Variants in EXOC6 observed in about 807,000 individuals in gnomAD.
EXOC6 encodes SEC15-like 1.
Under a neutral mutation model 112.5 loss-of-function variants are expected in EXOC6, and 60 were observed. That is an observed-to-expected ratio of 0.53 (90% confidence interval 0.43 to 0.66). The LOEUF (loss-of-function observed/expected upper bound fraction) is 0.66, where lower values mean the gene tolerates loss of function less well. Ranked by LOEUF, EXOC6 falls within the 30% of genes least tolerant of loss-of-function variation. The pLI is 0.00. For synonymous variants in EXOC6, 295 were observed against 308.0 expected (o/e 0.96, Z 0.44); for missense variants, 855 against 957.1 (o/e 0.89, Z 1.41).
intron 8 of EXOC6, 46 bp downstream of exon 8, chr10:92,920,096 A>G: frequency 8.1e-7 from 1 of 1,227,798 alleles, no homozygotes; most frequent in Non-Finnish European, 1.1e-6. Flanking sequence ...ATATTATTTA[A>G]AAGGCATGTA....
intron 20 of EXOC6, among the ~76,000 whole-genome samples, chr10:93,017,597 A>T (rs969516061): frequency 2.0e-5 from 3 of 152,046 alleles, no homozygotes; most frequent in Non-Finnish European, 4.4e-5. Flanking sequence ...TCAAACAAAC[A>T]AACACTACAT....
At chr10:92,976,757 G>A (rs1007019611) in intron 18 of EXOC6, among the ~76,000 whole-genome samples, 5 of 151,676 alleles carry the variant, frequency 3.3e-5, no homozygotes, top group African/African-American at 1.2e-4. Context: ...AGCCAAGAGA[G>A]TAAAAGTAAA....
At chr10:92,862,931 T>TA (rs1847976959) in intron 1 of EXOC6, among the ~76,000 whole-genome samples, 2 of 152,294 alleles carry the variant, frequency 1.3e-5, no homozygotes, top group African/African-American at 4.8e-5. Flanking sequence ...ATTTAACTTT[T>TA]AGAGTCTATT....
intron 1 of EXOC6, among the ~76,000 whole-genome samples, chr10:92,874,210 C>A (rs1316842532): frequency 6.6e-6 from 1 of 152,110 alleles, no homozygotes; most frequent in Non-Finnish European, 1.5e-5. Flanking sequence ...AGGATACTTA[C>A]CTTAACTTCA....
At chr10:92,858,604 AT>A (rs1589711277) in intron 1 of EXOC6, among the ~76,000 whole-genome samples, 1 of 152,204 alleles carries the variant, frequency 6.6e-6, no homozygotes, top group Non-Finnish European at 1.5e-5. Flanking sequence ...ATTAAAAAAA[AT>A]AATTTCTACT....
chr10:92,906,169 C>T (rs145231860), intron 5 of EXOC6, among the ~76,000 whole-genome samples: 14 of 152,150 alleles, frequency 9.2e-5, no homozygotes, highest in African/African-American at 2.2e-4. Flanking sequence ...ACCTTTCTTT[C>T]GATTAGTGTC....
intron 1 of EXOC6, among the ~76,000 whole-genome samples, chr10:92,854,481 A>G (rs1445323505): frequency 6.6e-6 from 1 of 152,088 alleles, no homozygotes; most frequent in Non-Finnish European, 1.5e-5. Context: ...GTAAGGATGT[A>G]GAAGAACTGG....
intron 19 of EXOC6, among the ~76,000 whole-genome samples, chr10:93,003,794 A>G (rs1202590187): frequency 6.6e-6 from 1 of 152,154 alleles, no homozygotes; most frequent in Admixed American, 6.6e-5. Context: ...AAGATTGACT[A>G]TGACCGAAGT....
At chr10:92,942,150 G>A (rs1036144894) in intron 13 of EXOC6, among the ~76,000 whole-genome samples, 1 of 152,156 alleles carries the variant, frequency 6.6e-6, no homozygotes, top group Non-Finnish European at 1.5e-5. Flanking sequence ...CAGCACTTTG[G>A]GAGGCCAAGA....
intron 5 of EXOC6, among the ~76,000 whole-genome samples, chr10:92,903,989 C>T (rs1850311829): frequency 6.6e-6 from 1 of 152,064 alleles, no homozygotes; most frequent in South Asian, 2.1e-4. Context: ...GTACCAATTA[C>T]TGAACTTTGT....
intron 19 of EXOC6, among the ~76,000 whole-genome samples, chr10:93,006,740 T>C (rs1479117134): frequency 2.0e-5 from 3 of 152,220 alleles, no homozygotes; most frequent in Non-Finnish European, 4.4e-5. Flanking sequence ...CTTGAGTTCT[T>C]ACTAGCTACT....
intron 1 of EXOC6, among the ~76,000 whole-genome samples, chr10:92,875,691 C>T (rs1848657913): frequency 6.6e-6 from 1 of 152,050 alleles, no homozygotes; most frequent in African/African-American, 2.4e-5. Flanking sequence ...TTTATTCCCA[C>T]TAAAGGATAA....
chr10:93,025,485 G>T (rs577520204), intron 20 of EXOC6, among the ~76,000 whole-genome samples: 2 of 152,224 alleles, frequency 1.3e-5, no homozygotes, highest in Admixed American at 1.3e-4. Context: ...TATAAAATAG[G>T]TTTTTATTGG....
chr10:92,923,164 A>T (rs61862286), intron 8 of EXOC6, among the ~76,000 whole-genome samples: 3,479 of 152,250 alleles, frequency 0.023, 137 homozygotes, highest in Non-Finnish European at 0.024. Context: ...CTGAGGTATA[A>T]CTTATGCTCT....
rs769381369 is a variant in EXOC6, at chr10:92,915,894, A to C, written c.800A>C (p.Glu267Ala). 6.5e-7 allele frequency: 1 copy of C among 1,540,108 alleles called. No homozygotes were observed. The highest frequency in any genetic ancestry group is 1.3e-5 in the South Asian group (1 of 77,198). Residue 267 changes from glutamate (E) to alanine (A), a missense_variant, in exon 7 of 22, where the codon GAG becomes GCG. Around this residue, in one of 2 missense-constraint regions of EXOC6, gnomAD observed 405 missense variants for 393.6 expected, o/e 1.03. Coordinates refer to ENST00000260762, the MANE Select transcript of EXOC6 (RefSeq NM_019053.6). ...GTATTGAAACATTCACTTGAAGAAG[A>C]GGATGAGAATGAAGAAGAGGTGATA... ...ETVLKHSLEEEDENEEEILTV... is the reference protein window; with the variant it reads ...ETVLKHSLEEADENEEEILTV...
Position 92,848,529 on chromosome 10 carries a change from C to G in EXOC6, c.-5C>G. ...GCCTCGCTGGCTCCTCAGCTTCCAG[C>G]CAAAATGGCGGAGAACAGCGAGAGT... is the stretch of plus-strand genomic sequence containing the variant. On this transcript the variant is annotated 5_prime_UTR_variant, in exon 1 of 22. Coordinates refer to ENST00000260762, the MANE Select transcript of EXOC6 (RefSeq NM_019053.6). 7.2e-7 allele frequency: 1 copy of G among 1,393,370 alleles called. No homozygotes were observed. Among genetic ancestry groups the G allele is most frequent in the Non-Finnish European group, 9.5e-7 (1 of 1,051,952 alleles). 86.3% of individuals were successfully genotyped at this position (1,393,370 alleles called of 1,614,324 possible).
chr10:92,847,823 A>C (rs1847110177), upstream of EXOC6, among the ~76,000 whole-genome samples: 2 of 136,916 alleles, frequency 1.5e-5, no homozygotes, highest in African/African-American at 5.4e-5. Flanking sequence ...TGAATTACAC[A>C]TCGCCCTGGG....
At chr10:92,928,648 TAA>T (rs566205385) in intron 9 of EXOC6, among the ~76,000 whole-genome samples, 25 of 139,144 alleles carry the variant, frequency 1.8e-4, no homozygotes, top group Admixed American at 2.9e-4. Context: ...ACAGCGAATT[TAA>T]AAAAAAAAAA....
intron 13 of EXOC6, among the ~76,000 whole-genome samples, chr10:92,947,479 A>G (rs796786452): frequency 3.9e-5 from 6 of 152,358 alleles, no homozygotes; most frequent in Admixed American, 1.3e-4. Context: ...CACCAACTAT[A>G]AAAGATCCAT....
Sources: allele counts gnomAD v4.1 joint callset (sites outside exome capture counted in the v4.1 genomes callset), GRCh38; gene constraint gnomAD v4.1.1; regional missense constraint gnomAD v4.1.1; transcripts MANE v1.5; gene names NCBI Gene and HGNC (gene_info 2026-07-23, HGNC 2026-07-21).